The following DOP1A variants were observed in gnomAD, a reference collection of about 807,000 sequenced individuals.
The protein encoded by DOP1A is DOP1 leucine zipper like protein A.
A neutral mutation model predicts 267.6 loss-of-function variants in DOP1A; 90 were observed. That is an observed-to-expected ratio of 0.34 (90% confidence interval 0.28 to 0.40). The LOEUF (loss-of-function observed/expected upper bound fraction) is 0.40. Among genes scored for constraint, DOP1A ranks in the 10% least tolerant of loss-of-function variants. The pLI is 1.00. For missense variants in DOP1A, 2,437 were observed against 2,900.4 expected (o/e 0.84, Z 3.67); for synonymous variants, 932 against 999.1 (o/e 0.93, Z 1.27).
intron 1 of DOP1A, among the ~76,000 whole-genome samples, chr6:83,080,439 A>G (rs1221317350): frequency 6.6e-6 from 1 of 152,180 alleles, no homozygotes; most frequent in African/African-American, 2.4e-5. Context: ...TTGTCCCCTC[A>G]TAACTAATAA....
rs751503368 is a variant in DOP1A at position 83,159,843 on chromosome 6, G to A, written c.6845G>A (p.Gly2282Asp). 3.7e-6 allele frequency: 6 copies of A among 1,614,136 alleles called. No homozygotes were observed. The South Asian group carries it at 5.5e-5, about 15-fold the overall frequency. ...GGTCTGGAGACAACGTACACAGGAG[G>A]TAATGGCTTCTCTACTTCATATAAC... ...VAGLETTYTG[G>D]NGFSTSYNSQ... The change falls in exon 37 of 39, where the codon GGT becomes GAT. Residue 2282 changes from glycine (G) to aspartate (D), a missense_variant. Transcript: ENST00000349129.
intron 7 of DOP1A, among the ~76,000 whole-genome samples, chr6:83,116,196 A>G (rs1582992637): frequency 6.6e-6 from 1 of 152,212 alleles, no homozygotes; most frequent in Non-Finnish European, 1.5e-5. Context: ...GAAGCTGTAG[A>G]TTTTAAAAAT....
chr6:83,122,361 C>T lies in DOP1A; in HGVS notation c.1220+311C>T, dbSNP rs140973408. On this transcript the variant is annotated intron_variant, in intron 11 of 38. Coordinates refer to ENST00000349129, the MANE Select transcript of DOP1A (RefSeq NM_015018.4). Reference sequence around the variant, plus strand: ...CAATTTCAGTAATAGTGGCTATTAACAGCACTAGTTGGTTTTGTTGTTGTT... The same window carrying T: ...CAATTTCAGTAATAGTGGCTATTAATAGCACTAGTTGGTTTTGTTGTTGTT... Among the ~76,000 whole-genome samples the T allele has an allele frequency of 4.1e-4, 62 of 151,950 alleles. 1 individual carries two copies. The highest frequency in any genetic ancestry group is 1.1e-3 in the African/African-American group (47 of 41,524).
intron 27 of DOP1A, among the ~76,000 whole-genome samples, chr6:83,150,191 T>C (rs1028787769): frequency 2.0e-5 from 3 of 152,216 alleles, no homozygotes; most frequent in South Asian, 4.1e-4. Context: ...CTAGGCAACA[T>C]AGGGAGACTG....
At chr6:83,161,513 A>G (rs1377339764) in intron 37 of DOP1A, among the ~76,000 whole-genome samples, 1 of 152,204 alleles carries the variant, frequency 6.6e-6, no homozygotes, top group Non-Finnish European at 1.5e-5. Flanking sequence ...ATATGACAAA[A>G]GTCTAAAATG....
chr6:83,134,609 A>G (rs1344359666), intron 19 of DOP1A: 1 of 189,422 alleles, frequency 5.3e-6, no homozygotes. Context: ...GAAACTGCAT[A>G]TAGATAGTAG....
At chr6:83,127,851 T>C (rs1777442099) in intron 15 of DOP1A, among the ~76,000 whole-genome samples, 1 of 152,178 alleles carries the variant, frequency 6.6e-6, no homozygotes, top group Non-Finnish European at 1.5e-5. Flanking sequence ...GTAATCCTCA[T>C]AGCAATTGTA....
At chr6:83,155,265 T>A (rs146582228) in intron 33 of DOP1A, among the ~76,000 whole-genome samples, 39 of 126,456 alleles carry the variant, frequency 3.1e-4, no homozygotes, top group African/African-American at 1.1e-3. Flanking sequence ...AGTTTGAGAC[T>A]AACCTGGACA....
At chr6:83,162,760 C>T in intron 37 of DOP1A, 30 bp from the exon 38 acceptor site, 1 of 1,584,816 alleles carries the variant, frequency 6.3e-7, no homozygotes, top group Non-Finnish European at 8.6e-7. Flanking sequence ...GTCTGTCTTA[C>T]TGATGCTGAT....
chr6:83,128,358 A>G (rs1210493577), intron 15 of DOP1A, among the ~76,000 whole-genome samples: 2 of 152,186 alleles, frequency 1.3e-5, no homozygotes, highest in African/African-American at 4.8e-5. Flanking sequence ...ATTATAAAAT[A>G]TTCCTTTTAT....
chr6:83,153,325 T>C (rs2128343519), intron 30 of DOP1A, 186 bp from the exon 31 acceptor site: 1 of 425,612 alleles, frequency 2.3e-6, no homozygotes, highest in Non-Finnish European at 4.1e-6. Context: ...TTATATCCTA[T>C]AGTAACAATG....
intron 7 of DOP1A, among the ~76,000 whole-genome samples, chr6:83,114,048 A>C (rs1384215933): frequency 6.6e-6 from 1 of 152,202 alleles, no homozygotes; most frequent in Non-Finnish European, 1.5e-5. Context: ...AAAAGTAATA[A>C]GATATAGAGA....
At chr6:83,132,095 A>G (rs1778143720) in intron 17 of DOP1A, 81 bp from the exon 18 acceptor site, 1 of 1,489,534 alleles carries the variant, frequency 6.7e-7, no homozygotes, top group Non-Finnish European at 9.2e-7. Context: ...GAGAGCAGGC[A>G]TTCATTTGTA....
At chr6:83,156,829 C>A (rs1361073023) in intron 34 of DOP1A, among the ~76,000 whole-genome samples, 1 of 152,152 alleles carries the variant, frequency 6.6e-6, no homozygotes, top group African/African-American at 2.4e-5. Context: ...TTTGTCCCTA[C>A]AATTTTTTTT....
intron 4 of DOP1A, among the ~76,000 whole-genome samples, chr6:83,104,772 G>A (rs1240123045): frequency 6.6e-6 from 1 of 151,880 alleles, no homozygotes; most frequent in Non-Finnish European, 1.5e-5. Flanking sequence ...TGTTATCTTT[G>A]TAGCATGTAG....
chr6:83,096,632 A>G, intron 1 of DOP1A, 99 bp from the exon 2 acceptor site: 3 of 405,810 alleles, frequency 7.4e-6, no homozygotes, highest in Non-Finnish European at 1.3e-5. Flanking sequence ...ATAAACAAAT[A>G]TGACAGAGAA....
Position 83,137,714 on chromosome 6 carries a change from C to T in DOP1A, c.3672C>T (p.Gly1224=), listed in dbSNP as rs756395428. ...TTCTGTCTGTGTCTGCAGAGGGAGG[C>T]CATGAGTGTGTGGCAAATGGAATCT... is the stretch of plus-strand genomic sequence containing the variant. ...SQFLSVSAEG[G]HECVANGISR... is the part of the protein sequence containing the mutation. The change falls in exon 21 of 39, where the codon GGC becomes GGT. Residue 1224 remains glycine, a synonymous_variant. Coordinates refer to ENST00000349129, the MANE Select transcript of DOP1A (RefSeq NM_015018.4). 9 of 1,613,430 alleles carry T rather than the reference C, an allele frequency of 5.6e-6. No homozygotes were observed. Among genetic ancestry groups the T allele is most frequent in the Non-Finnish European group, 6.8e-6 (8 of 1,179,780 alleles).
At chr6:83,148,346 G>C (rs1246608613) in intron 26 of DOP1A, among the ~76,000 whole-genome samples, 2 of 152,044 alleles carry the variant, frequency 1.3e-5, no homozygotes, top group African/African-American at 4.8e-5. Flanking sequence ...CCGGGGAGGT[G>C]GAGGCTGCGG....
chr6:83,089,881 G>A (rs149242493), intron 1 of DOP1A, among the ~76,000 whole-genome samples: 7 of 152,206 alleles, frequency 4.6e-5, no homozygotes, highest in African/African-American at 1.7e-4. Flanking sequence ...GGTTTTATGG[G>A]TGCACGCACT....
Sources: gnomAD v4.1 joint callset for allele counts (sites outside exome capture counted in the v4.1 genomes callset) on GRCh38, gnomAD v4.1.1 for gene constraint, MANE v1.5 for transcripts, NCBI Gene and HGNC (gene_info 2026-07-23, HGNC 2026-07-21) for gene names.